The following PCDHGA4 variants were observed in gnomAD, a reference collection of about 807,000 sequenced individuals.
PCDHGA4 encodes the protein protocadherin gamma subfamily A, 4.
Under a neutral mutation model 54.6 loss-of-function variants are expected in PCDHGA4, and 38 were observed. The ratio of observed to expected loss-of-function variants is 0.70; its 90% CI spans 0.54 to 0.91. The LOEUF is 0.91. Among genes scored for constraint, PCDHGA4 ranks in the 40% least tolerant of loss-of-function variants. The pLI, the probability that PCDHGA4 is intolerant of heterozygous loss-of-function variation, is 0.00. For missense variants in PCDHGA4, 1,298 were observed against 1,220.9 expected (o/e 1.06, Z -0.94); for synonymous variants, 511 against 512.9 (o/e 1.00, Z 0.05).
intron 1 of PCDHGA4, 96 bp from the exon 2 acceptor site, chr5:141,494,711 A>G (rs757105958): frequency 6.3e-7 from 1 of 1,599,616 alleles, no homozygotes; most frequent in Non-Finnish European, 8.5e-7. Flanking sequence ...CTCTGTGCCC[A>G]CTCCCCTCCT....
intron 1 of PCDHGA4, among the ~76,000 whole-genome samples, chr5:141,472,980 C>CAAAAAAAAAAAAAAAA (rs60579131): frequency 2.8e-4 from 24 of 86,024 alleles, no homozygotes; most frequent in East Asian, 1.2e-3. Context: ...GAGTGAAACT[C>CAAAAAAAAAAAAAAAA]AAAAAAAAAA....
At chr5:141,417,994 G>T (rs369226139) in intron 1 of PCDHGA4, 231 of 1,613,766 alleles carry the variant, frequency 1.4e-4, no homozygotes, top group Non-Finnish European at 1.8e-4. Flanking sequence ...CCAAGGGCTC[G>T]GTGGTGGGGA....
At chr5:141,365,022 C>G in intron 1 of PCDHGA4, 1 of 1,613,864 alleles carries the variant, frequency 6.2e-7, no homozygotes. Context: ...ATCCGTGTTA[C>G]GGTCCTCGAC....
At chr5:141,418,310 G>A in intron 1 of PCDHGA4, 1 of 1,613,990 alleles carries the variant, frequency 6.2e-7, no homozygotes, top group Non-Finnish European at 8.5e-7. Context: ...CCTGGGGATG[G>A]GAACAATTCT....
chr5:141,486,140 C>T lies in PCDHGA4; in HGVS notation c.2515-8667C>T, dbSNP rs759476505. On this transcript the variant is annotated intron_variant, in intron 1 of 3. Coordinates refer to ENST00000571252, the MANE Select transcript of PCDHGA4 (RefSeq NM_018917.4). The surrounding 1 kb of genome is among the most constrained non-coding windows in gnomAD (Gnocchi z 5.0). ...TTACTATGAATTTGATGTGCGGGCT[C>T]GCGATGGGGGTTCTCCAGCCATGGA... 1 of 1,614,164 alleles carries T rather than the reference C, an allele frequency of 6.2e-7. No individual in the cohort carries two copies. The highest frequency in any genetic ancestry group is 1.3e-5 in the African/African-American group (1 of 75,030).
At chr5:141,498,971 G>GGAAGGAA (rs2099787559) in intron 2 of PCDHGA4, among the ~76,000 whole-genome samples, 2 of 111,052 alleles carry the variant, frequency 1.8e-5, no homozygotes, top group African/African-American at 7.2e-5. Context: ...GAGGGAGGGA[G>GGAAGGAA]GGAAGGAAGG....
rs1454395834 is a variant in PCDHGA4, at chr5:141,413,223, G to A, written c.2514+55602G>A. The stretch of plus-strand genomic sequence containing the variant: ...CAAAGGAATCAAAGGATTGCAGCGG[G>A]CTGGTCCTGCTCTGCCTTTTCTTCG... On this transcript the variant is annotated intron_variant, in intron 1 of 3. Transcript: ENST00000571252. 4 of 1,613,694 alleles carry A rather than the reference G, an allele frequency of 2.5e-6. No individual in the cohort carries two copies. In the African/African-American group the frequency reaches 4.0e-5, roughly 16 times the overall value.
Position 141,409,860 on chromosome 5 carries a change from G to A in PCDHGA4, c.2514+52239G>A, listed in dbSNP as rs764823576. On this transcript the variant is annotated intron_variant, in intron 1 of 3. Transcript: ENST00000571252. ...AACGTGAGCCTGCGCGTGTTGGTGG[G>A]AGACCGCAATGACAACGCACCGCGG... is the stretch of plus-strand genomic sequence containing the variant. The A allele has an allele frequency of 1.2e-5, 20 of 1,612,364 alleles. No homozygotes were observed. In the South Asian group the frequency reaches 1.8e-4, roughly 14 times the overall value.
In PCDHGA4 at chr5:141,476,087, C is replaced by T. The variant is rs758610836; in HGVS notation, c.2515-18720C>T. The stretch of plus-strand genomic sequence containing the variant: ...AGCGAAATCTCAGGGACGATCTGGA[C>T]CCCGCTGAGAGGAACTGCTTTTGAG... On this transcript the variant is annotated intron_variant, in intron 1 of 3. Coordinates refer to ENST00000571252, the MANE Select transcript of PCDHGA4 (RefSeq NM_018917.4). This position sits in a 1 kb window ranked among gnomAD's most constrained non-coding sequence, Gnocchi z 7.6. 9 of 1,553,656 alleles carry T rather than the reference C, an allele frequency of 5.8e-6. No individual in the cohort carries two copies. The South Asian group carries it at 1.1e-4, about 19-fold the overall frequency.
chr5:141,384,219 G>A lies in PCDHGA4; in HGVS notation c.2514+26598G>A, dbSNP rs1283583728. The A allele has an allele frequency of 2.5e-6, 4 of 1,613,744 alleles. No individual in the cohort carries two copies. The East Asian group carries it at 8.9e-5, about 36-fold the overall frequency. On this transcript the variant is annotated intron_variant, in intron 1 of 3. Coordinates refer to ENST00000571252, the MANE Select transcript of PCDHGA4 (RefSeq NM_018917.4). ...TGTCCAGGGAAACTCACATATTCAT[G>A]CAGGTGGCAGACACCAACGATAACC... is the stretch of plus-strand genomic sequence containing the variant.
intron 1 of PCDHGA4, chr5:141,413,350 G>C: frequency 6.2e-7 from 1 of 1,613,974 alleles, no homozygotes; most frequent in South Asian, 1.1e-5. Context: ...CTTGGGTCTG[G>C]CGCCCCGGGA....
At chr5:141,400,376 T>A in intron 1 of PCDHGA4, 1 of 1,614,070 alleles carries the variant, frequency 6.2e-7, no homozygotes, top group East Asian at 2.2e-5. Context: ...TCCTACAACC[T>A]ATGTGTTGCA....
chr5:141,384,210 C>T (rs1298573358), intron 1 of PCDHGA4: 2 of 1,613,886 alleles, frequency 1.2e-6, no homozygotes, highest in South Asian at 1.1e-5. Flanking sequence ...GGGAAACTCA[C>T]ATATTCATGC....
chr5:141,482,049 C>G (rs1456071625), intron 1 of PCDHGA4, among the ~76,000 whole-genome samples: 2 of 149,284 alleles, frequency 1.3e-5, no homozygotes, highest in Non-Finnish European at 3.0e-5. Context: ...CATGCTGTTG[C>G]ATTCCAGCCT....
Position 141,399,953 on chromosome 5 carries a change from A to G in PCDHGA4, c.2514+42332A>G, listed in dbSNP as rs1257117587. ...TCCTACCACGTGCTGCAGGCTAGCGAGCCCGGGCTCTTCAGCCTGGGGCTG... is the reference window on the plus strand; with the variant it reads ...TCCTACCACGTGCTGCAGGCTAGCGGGCCCGGGCTCTTCAGCCTGGGGCTG... On this transcript the variant is annotated intron_variant, in intron 1 of 3. Coordinates refer to ENST00000571252, the MANE Select transcript of PCDHGA4 (RefSeq NM_018917.4). The G allele has an allele frequency of 2.5e-5, 40 of 1,612,030 alleles. 1 individual carries two copies. Among genetic ancestry groups the G allele is most frequent in the Non-Finnish European group, 3.4e-5 (40 of 1,179,690 alleles).
intron 1 of PCDHGA4, chr5:141,383,390 C>A: frequency 6.2e-7 from 1 of 1,614,006 alleles, no homozygotes; most frequent in South Asian, 1.1e-5. Flanking sequence ...GATGTGGGCA[C>A]GAACTCCCTC....
At chr5:141,504,452 T>C (rs1208972630) in intron 2 of PCDHGA4, among the ~76,000 whole-genome samples, 1 of 152,060 alleles carries the variant, frequency 6.6e-6, no homozygotes, top group Non-Finnish European at 1.5e-5. Flanking sequence ...TAGTGCCATG[T>C]GGGGCAGCCG....
intron 1 of PCDHGA4, chr5:141,418,991 G>A (rs1335937354): frequency 6.2e-7 from 1 of 1,613,836 alleles, no homozygotes. Context: ...AGACTCAGGG[G>A]AAAATGGGGA....
At chr5:141,396,944 G>A (rs983363091) in intron 1 of PCDHGA4, among the ~76,000 whole-genome samples, 1 of 152,166 alleles carries the variant, frequency 6.6e-6, no homozygotes, top group African/African-American at 2.4e-5. Context: ...GCCCTGGTAG[G>A]AAAGAAAATC....
Sources: allele counts gnomAD v4.1 joint callset (sites outside exome capture counted in the v4.1 genomes callset), GRCh38; gene constraint gnomAD v4.1.1; non-coding constraint Gnocchi (gnomAD v3.1); transcripts MANE v1.5; gene names NCBI Gene and HGNC (gene_info 2026-07-23, HGNC 2026-07-21).